Variants in IQGAP3 observed in about 807,000 individuals in gnomAD.
IQGAP3 encodes IQ motif containing GTPase activating protein 3.
A neutral mutation model predicts 208.2 loss-of-function variants in IQGAP3; 165 were observed. That is an observed-to-expected ratio of 0.79 (90% confidence interval 0.70 to 0.90). IQGAP3 has a LOEUF of 0.90. Ranked by LOEUF, IQGAP3 falls within the 40% of genes least tolerant of loss-of-function variation. IQGAP3 has a pLI of 0.00. For synonymous variants in IQGAP3, 703 were observed against 803.6 expected, an observed-to-expected ratio of 0.87 and a Z score of 2.12; for missense variants, 1,811 against 2,043.1, an observed-to-expected ratio of 0.89 and a Z score of 2.19.
At position 156,539,014 on chromosome 1, in the gene IQGAP3, G is replaced by A. The variant is rs990720200; in HGVS notation, c.3076C>T (p.Gln1026Ter). The change falls in exon 26 of 38, where the codon CAG becomes TAG. Residue 1026 changes from glutamine (Q) to a stop codon, truncating the protein, a stop_gained. Coordinates refer to ENST00000361170, the MANE Select transcript of IQGAP3 (RefSeq NM_178229.5). LOFTEE classifies it high-confidence loss of function. Reference protein sequence around the residue: ...EEIKSKVEQPQDVVTGNPTVV... With the variant: ...EEIKSKVEQP Reference sequence around the variant, plus strand: ...GTTGGGTTGCCTGTCACCACGTCCTGGGGCTGCTCCACCTTTGACCTGTGG... The same window carrying A: ...GTTGGGTTGCCTGTCACCACGTCCTAGGGCTGCTCCACCTTTGACCTGTGG... 3 of 1,613,858 alleles carry A rather than the reference G, an allele frequency of 1.9e-6. No individual in the cohort carries two copies. The African/African-American group carries it at 4.0e-5, about 22-fold the overall frequency.
Position 156,526,494 on chromosome 1 carries a change from G to T in IQGAP3, c.4888C>A (p.Arg1630=). Residue 1630 remains arginine, a synonymous_variant, in exon 38 of 38, where the codon CGG becomes AGG. Transcript: ENST00000361170. The part of the protein sequence containing the change: ...LIFLLNKKFL[R]K Reference sequence around the variant, plus strand: ...AGCACCCTTTGCCTCTGTCACTTCCGCAAAAACTTCTTGTTGAGGAGGAAG... The same window carrying T: ...AGCACCCTTTGCCTCTGTCACTTCCTCAAAAACTTCTTGTTGAGGAGGAAG... 1 of 1,611,786 alleles carries T rather than the reference G, an allele frequency of 6.2e-7. No individual in the cohort carries two copies. The highest frequency in any genetic ancestry group is 8.5e-7 in the Non-Finnish European group (1 of 1,177,858).
chr1:156,544,126 G>A, intron 21 of IQGAP3, 26 bp downstream of exon 21: 17 of 1,613,578 alleles, frequency 1.1e-5, no homozygotes, highest in Non-Finnish European at 1.4e-5. Flanking sequence ...TGGGTATGTG[G>A]GCAGGGGGAA....
chr1:156,568,175 C>A (rs1408629719), intron 2 of IQGAP3, among the ~76,000 whole-genome samples: 1 of 152,112 alleles, frequency 6.6e-6, no homozygotes, highest in Non-Finnish European at 1.5e-5. Context: ...GGAAAAAAAA[C>A]CACCAACACT....
Position 156,554,264 on chromosome 1 carries a change from C to A in IQGAP3, c.1419G>T (p.Leu473=). The change falls in exon 13 of 38, where the codon CTG becomes CTT. Residue 473 remains leucine, a synonymous_variant. Transcript: ENST00000361170. ...WSSLVNPATG[L]AEVEGENAQR... is the part of the protein sequence containing the mutation. ...GGGCATTTTCTCCTTCCACCTCAGC[C>A]AGGCCTGTGGCAGGGTTCACCAGGC... The A allele has an allele frequency of 1.2e-6, 2 of 1,612,430 alleles. No homozygotes were observed. Among genetic ancestry groups the A allele is most frequent in the Non-Finnish European group, 1.7e-6 (2 of 1,179,514 alleles).
In IQGAP3 at chr1:156,533,814, A is replaced by G; in HGVS notation, c.3935T>C (p.Leu1312Pro). Residue 1312 changes from leucine (L) to proline (P), a missense_variant, in exon 31 of 38, where the codon CTG becomes CCG. Transcript: ENST00000361170. ...GGTGGGCAGCTCCCCAAGATCCTCC[A>G]GGAGCTCATGCAGGGGGTCTTGGTG... ...PDHQDPLHEL[L>P]EDLGELPTIP... 1 of 1,613,762 alleles carries G rather than the reference A, an allele frequency of 6.2e-7. No homozygotes were observed. Among genetic ancestry groups the G allele is most frequent in the Middle Eastern group, 1.7e-4 (1 of 6,048 alleles).
At chr1:156,554,563 A>G (rs1402900050) in intron 12 of IQGAP3, among the ~76,000 whole-genome samples, 171 bp from the exon 13 acceptor site, 1 of 152,242 alleles carries the variant, frequency 6.6e-6, no homozygotes, top group African/African-American at 2.4e-5. Context: ...AATACTTACT[A>G]TGTGCTCAAT....
At chr1:156,562,191 G>A (rs970217229) in intron 9 of IQGAP3, among the ~76,000 whole-genome samples, 190 bp from the exon 10 acceptor site, 2 of 151,334 alleles carry the variant, frequency 1.3e-5, no homozygotes, top group Non-Finnish European at 2.9e-5. Flanking sequence ...TCACTTCGCC[G>A]CCCCAGACCC....
At chr1:156,531,106 G>A in intron 33 of IQGAP3, 54 bp downstream of exon 33, 1 of 1,236,324 alleles carries the variant, frequency 8.1e-7, no homozygotes. Flanking sequence ...GGTGCAGGTG[G>A]GATGAGGTGG....
intron 33 of IQGAP3, 46 bp downstream of exon 33, chr1:156,531,114 T>TG (rs763681802): frequency 7.4e-5 from 99 of 1,333,476 alleles, no homozygotes; most frequent in Admixed American, 1.2e-4. Flanking sequence ...TGGGATGAGG[T>TG]GGGGGATGAA....
In IQGAP3 at chr1:156,563,320, A is replaced by G; in HGVS notation, c.620-8T>C. On this transcript the variant is annotated splice_region_variant and splice_polypyrimidine_tract_variant and intron_variant, in intron 7 of 37. Transcript: ENST00000361170. ...CAAGAACAGCTGCATGGACTGGGAG[A>G]GGGCATGGAAACAAGGTCAGGAGGC... is the stretch of plus-strand genomic sequence containing the variant. The G allele has an allele frequency of 6.3e-7, 1 of 1,579,132 alleles. No individual in the cohort carries two copies.
intron 10 of IQGAP3, 77 bp downstream of exon 10, chr1:156,561,761 G>C (rs544207191): frequency 1.1e-5 from 15 of 1,400,164 alleles, no homozygotes; most frequent in Non-Finnish European, 1.5e-5. Flanking sequence ...GACCAACAGT[G>C]GTGATCTTTG....
chr1:156,551,908 C>T, intron 14 of IQGAP3, 40 bp from the exon 15 acceptor site: 3 of 1,597,940 alleles, frequency 1.9e-6, no homozygotes, highest in Non-Finnish European at 2.6e-6. Context: ...GGCCCCTAGA[C>T]TTAATGGCTA....
intron 19 of IQGAP3, among the ~76,000 whole-genome samples, chr1:156,544,912 A>G (rs1675159398): frequency 6.6e-6 from 1 of 152,188 alleles, no homozygotes; most frequent in Non-Finnish European, 1.5e-5. Flanking sequence ...GTGCACAGAA[A>G]GTGGGCAGAG....
intron 8 of IQGAP3, 85 bp downstream of exon 8, chr1:156,563,049 A>T: frequency 8.4e-7 from 1 of 1,189,262 alleles, no homozygotes; most frequent in South Asian, 1.5e-5. Context: ...GATACTAGAG[A>T]CATGACAGAT....
At chr1:156,572,458 C>A (rs1450341178) in intron 1 of IQGAP3, 35 bp downstream of exon 1, 1 of 1,604,614 alleles carries the variant, frequency 6.2e-7, no homozygotes, top group South Asian at 1.1e-5. Flanking sequence ...AGCGGCACCA[C>A]TGCGAGACCC....
At chr1:156,572,377 C>A in intron 1 of IQGAP3, 116 bp downstream of exon 1, 1 of 1,160,418 alleles carries the variant, frequency 8.6e-7, no homozygotes, top group Non-Finnish European at 1.3e-6. Flanking sequence ...AGCAGTCCCA[C>A]CGCCCTCGCC....
At chr1:156,548,312 T>C (rs746913564) in intron 18 of IQGAP3, 36 bp downstream of exon 18, 1 of 1,610,070 alleles carries the variant, frequency 6.2e-7, no homozygotes, top group South Asian at 1.1e-5. Flanking sequence ...GACATTCCTA[T>C]CCAAGATCCC....
In IQGAP3 at chr1:156,539,869, T is replaced by A; in HGVS notation, c.2861A>T (p.Glu954Val). The A allele has an allele frequency of 5.0e-6, 8 of 1,614,180 alleles. No homozygotes were observed. The highest frequency in any genetic ancestry group is 6.8e-6 in the Non-Finnish European group (8 of 1,180,032). Residue 954 changes from glutamate to valine, a missense_variant, in exon 24 of 38, where the codon GAA (glutamate) becomes GTA (valine). Glu to Val is a moderately radical substitution (Grantham distance 121, BLOSUM62 -2). Transcript: ENST00000361170. ...SLSKEKRQKL[E>V]AYQHLFYLLQ... is the part of the protein sequence containing the mutation. ...CAGGTAGAAGAGGTGTTGGTATGCT[T>A]CTAGTTTCTGCCGTTTCTCTTTGCT...
rs1571308872 is a variant in IQGAP3, at chr1:156,530,204, C to A, written c.4305G>T (p.Glu1435Asp). The change falls in exon 34 of 38, where the codon GAG becomes GAT. Residue 1435 changes from glutamate (E) to aspartate (D), a missense_variant. Coordinates refer to ENST00000361170, the MANE Select transcript of IQGAP3 (RefSeq NM_178229.5). ...GGTTCCGCAGGACGCGCCGCTGCTT[C>A]TCTGCCAGTGGCAGGAGGGAGTGAG... ...LTAHSLLPLAEKQRRVLRNLR... is the reference protein window; with the variant it reads ...LTAHSLLPLADKQRRVLRNLR... 1 of 1,613,440 alleles carries A rather than the reference C, an allele frequency of 6.2e-7. No individual in the cohort carries two copies. Among genetic ancestry groups the A allele is most frequent in the East Asian group, 2.2e-5 (1 of 44,862 alleles).
Sources: allele counts gnomAD v4.1 joint callset (sites outside exome capture counted in the v4.1 genomes callset), GRCh38; gene constraint gnomAD v4.1.1; transcripts MANE v1.5; gene names NCBI Gene and HGNC (gene_info 2026-07-23, HGNC 2026-07-21).